Variants in IRF8 observed in about 807,000 individuals in gnomAD.
The protein encoded by IRF8 is interferon consensus sequence binding protein 1.
In IRF8, 14 loss-of-function variants were observed where a neutral mutation model predicts 48.7. The ratio of observed to expected loss-of-function variants is 0.29; its 90% CI spans 0.19 to 0.45. The LOEUF (loss-of-function observed/expected upper bound fraction) is 0.45, where lower values mean the gene tolerates loss of function less well. IRF8 is among the 20% of genes least tolerant of loss of function. The pLI is 1.00. For missense variants in IRF8, 493 were observed against 580.7 expected, an observed-to-expected ratio of 0.85 and a Z score of 1.55; for synonymous variants, 278 against 227.3, an observed-to-expected ratio of 1.22 and a Z score of -2.01.
At chr16:85,909,214 C>G (rs1905079938) in intron 3 of IRF8, 41 bp downstream of exon 3, 1 of 1,572,220 alleles carries the variant, frequency 6.4e-7, no homozygotes, top group Non-Finnish European at 8.7e-7. Context: ...CAGAAGCTGC[C>G]CTGGCCTGTA....
intron 1 of IRF8, among the ~76,000 whole-genome samples, chr16:85,901,445 A>G (rs1480483755): frequency 6.6e-6 from 1 of 152,112 alleles, no homozygotes; most frequent in Admixed American, 6.5e-5. Flanking sequence ...TGGGCAACAT[A>G]GCGAGATCCT....
chr16:85,911,533 G>C, intron 3 of IRF8, 37 bp from the exon 4 acceptor site: 2 of 1,559,030 alleles, frequency 1.3e-6, no homozygotes, highest in Non-Finnish European at 1.8e-6. Context: ...TGATGCCTCC[G>C]TGCCATGTGT....
intron 1 of IRF8, among the ~76,000 whole-genome samples, chr16:85,900,666 C>G (rs991556238): frequency 1.3e-5 from 2 of 152,220 alleles, no homozygotes; most frequent in Non-Finnish European, 2.9e-5. Flanking sequence ...CGGTATTTGC[C>G]GTGCCTCTCT....
Position 85,903,087 on chromosome 16 carries a change from A to T in IRF8, c.72A>T (p.Pro24=). ...AGCAGATTGACAGTAGCATGTATCC[A>T]GGACTGATTTGGGAGAATGAGGAGA... ...LIEQIDSSMY[P]GLIWENEEKS... Residue 24 remains proline, a synonymous_variant, in exon 2 of 9, where the codon CCA becomes CCT. Coordinates refer to ENST00000268638, the MANE Select transcript of IRF8 (RefSeq NM_002163.4). 2 of 1,614,234 alleles carry T rather than the reference A, an allele frequency of 1.2e-6. No homozygotes were observed. The highest frequency in any genetic ancestry group is 1.7e-6 in the Non-Finnish European group (2 of 1,180,028).
intron 6 of IRF8, among the ~76,000 whole-genome samples, chr16:85,916,081 C>T (rs1905295763): frequency 6.6e-6 from 1 of 152,234 alleles, no homozygotes; most frequent in South Asian, 2.1e-4. Context: ...TGGTTTATAA[C>T]TTCAGGAGTC....
chr16:85,906,930 C>T (rs532370727), intron 2 of IRF8, among the ~76,000 whole-genome samples: 15 of 152,222 alleles, frequency 9.9e-5, no homozygotes, highest in African/African-American at 2.6e-4. Context: ...AGGCTTGCCA[C>T]GGTGGGGAAA....
intron 1 of IRF8, 115 bp from the exon 2 acceptor site, chr16:85,902,900 C>T (rs1476299768): frequency 3.4e-6 from 4 of 1,171,878 alleles, no homozygotes; most frequent in Non-Finnish European, 3.8e-6. Context: ...GTGGGTTTCC[C>T]CCAAGCCAGC....
At chr16:85,917,290 G>A (rs546602676) in intron 6 of IRF8, among the ~76,000 whole-genome samples, 14 of 152,310 alleles carry the variant, frequency 9.2e-5, no homozygotes, top group South Asian at 6.2e-4. Flanking sequence ...CATTGCTAGC[G>A]TATGTAATTC....
chr16:85,914,369 C>A, intron 5 of IRF8, 104 bp from the exon 6 acceptor site: 1 of 1,344,740 alleles, frequency 7.4e-7, no homozygotes, highest in African/African-American at 1.4e-5. Flanking sequence ...TCTGGCACGC[C>A]ATGTGCAGCC....
chr16:85,922,240 C>T lies in IRF8; in HGVS notation c.*958C>T, dbSNP rs1328602752. 2.0e-5 allele frequency: 3 copies of T among 152,334 alleles called. No individual in the cohort carries two copies. The highest frequency in any genetic ancestry group is 4.4e-5 in the Non-Finnish European group (3 of 68,050). 9.4% of individuals were successfully genotyped at this position (152,334 alleles called of 1,614,324 possible). ...CCCAAGTCTCATGGTGGATTTGTGA[C>T]TGTGAGAGTTTCCGGTTTAAAATCT... On this transcript the variant is annotated 3_prime_UTR_variant, in exon 9 of 9. Transcript: ENST00000268638.
chr16:85,904,145 A>G (rs1255217946), intron 2 of IRF8, among the ~76,000 whole-genome samples: 1 of 152,242 alleles, frequency 6.6e-6, no homozygotes, highest in African/African-American at 2.4e-5. Context: ...GTCAAGGTCA[A>G]GCTAGACTTC....
chr16:85,911,987 G>A (rs759396314), intron 4 of IRF8, among the ~76,000 whole-genome samples: 1 of 152,228 alleles, frequency 6.6e-6, no homozygotes, highest in Non-Finnish European at 1.5e-5. Flanking sequence ...AAATGGCATC[G>A]TGAATTCCCT....
Position 85,918,628 on chromosome 16 carries a change from C to G in IRF8, c.813C>G (p.Phe271Leu). ...ERQRQVTRKL[F>L]GHLERGVLLH... ...AGAGGCAGGTGACGCGGAAGCTGTT[C>G]GGGCACCTGGAGCGCGGGGTGCTGC... is the stretch of plus-strand genomic sequence containing the variant. The change falls in exon 7 of 9, where the codon TTC becomes TTG. Residue 271 changes from phenylalanine (F) to leucine (L), a missense_variant. By Grantham distance (22) the Phe-to-Leu change is conservative. Around this residue, in one of 3 missense-constraint regions of IRF8, gnomAD observed 408 missense variants for 449.6 expected, o/e 0.91. Coordinates refer to ENST00000268638, the MANE Select transcript of IRF8 (RefSeq NM_002163.4). The G allele has an allele frequency of 4.4e-6, 7 of 1,608,420 alleles. No individual in the cohort carries two copies. The highest frequency in any genetic ancestry group is 1.3e-5 in the African/African-American group (1 of 75,046).
chr16:85,908,685 C>A (rs1905066891), intron 2 of IRF8, among the ~76,000 whole-genome samples: 1 of 152,206 alleles, frequency 6.6e-6, no homozygotes, highest in East Asian at 1.9e-4. Context: ...TTCAGCCAGG[C>A]AAGGGCTTGG....
At chr16:85,903,238 C>G (rs1160132222) in intron 2 of IRF8, 49 bp downstream of exon 2, 6 of 1,496,476 alleles carry the variant, frequency 4.0e-6, no homozygotes, top group Non-Finnish European at 5.5e-6. Flanking sequence ...GTCTCCTTTC[C>G]CTCATGGACT....
intron 1 of IRF8, among the ~76,000 whole-genome samples, chr16:85,900,348 T>A (rs1904791419): frequency 6.6e-6 from 1 of 152,198 alleles, no homozygotes; most frequent in Admixed American, 6.5e-5. Context: ...GCCAATAGAT[T>A]ACCTCAAAAT....
chr16:85,907,705 A>G (rs1905044419), intron 2 of IRF8, among the ~76,000 whole-genome samples: 1 of 152,128 alleles, frequency 6.6e-6, no homozygotes. Flanking sequence ...AAATAAATAA[A>G]AATAAAAAAT....
intron 6 of IRF8, among the ~76,000 whole-genome samples, chr16:85,918,112 G>C (rs1304810124): frequency 6.6e-6 from 1 of 152,178 alleles, no homozygotes; most frequent in African/African-American, 2.4e-5. Flanking sequence ...TCAGCTTGAC[G>C]TGTAAATTAC....
intron 7 of IRF8, among the ~76,000 whole-genome samples, chr16:85,919,409 C>G (rs2143050986): frequency 6.6e-6 from 1 of 152,286 alleles, no homozygotes; most frequent in East Asian, 1.9e-4. Context: ...TGTAGCAGCA[C>G]AGCCCGAGAT....
Sources: gnomAD v4.1 joint callset for allele counts (sites outside exome capture counted in the v4.1 genomes callset) on GRCh38, gnomAD v4.1.1 for gene constraint, gnomAD v4.1.1 regional missense constraint, MANE v1.5 for transcripts, NCBI Gene and HGNC (gene_info 2026-07-23, HGNC 2026-07-21) for gene names.